Variants in CELSR2 observed in about 807,000 individuals in gnomAD.
CELSR2 encodes EGF-like protein 2.
Under a neutral mutation model 251.6 loss-of-function variants are expected in CELSR2, and 81 were observed. The ratio of observed to expected loss-of-function variants is 0.32; its 90% CI spans 0.27 to 0.39. The LOEUF (loss-of-function observed/expected upper bound fraction) is 0.39, where lower values mean the gene tolerates loss of function less well. Among genes scored for constraint, CELSR2 ranks in the 10% least tolerant of loss-of-function variants. The pLI is 1.00. For synonymous variants in CELSR2, 1,721 were observed against 1,670.5 expected, an observed-to-expected ratio of 1.03 and a Z score of -0.74; for missense variants, 3,365 against 3,947.7, an observed-to-expected ratio of 0.85 and a Z score of 3.96.
At chr1:109,262,676 T>C in intron 6 of CELSR2, 130 bp from the exon 7 acceptor site, 1 of 1,466,794 alleles carries the variant, frequency 6.8e-7, no homozygotes, top group Non-Finnish European at 9.2e-7. Flanking sequence ...ACGCCCTTCC[T>C]GAGCACTGCT....
rs769628754 is a variant in CELSR2, at chr1:109,252,318, A to G, written c.2239A>G (p.Ile747Val). Residue 747 changes from isoleucine to valine, a missense_variant, in exon 1 of 34, where the codon ATC becomes GTC. Around this residue, in one of 5 missense-constraint regions of CELSR2, gnomAD observed 505 missense variants for 660.0 expected, o/e 0.77. Coordinates refer to ENST00000271332, the MANE Select transcript of CELSR2 (RefSeq NM_001408.3). The surrounding 1 kb of genome is among the most constrained non-coding windows in gnomAD (Gnocchi z 4.8). ...TDEDTGENAR[I>V]TYFMEDSIPQ... ...TGAGGACACAGGTGAGAATGCCCGC[A>G]TCACCTACTTCATGGAGGACAGCAT... The G allele has an allele frequency of 8.7e-6, 14 of 1,613,192 alleles. No individual in the cohort carries two copies. Among genetic ancestry groups the G allele is most frequent in the East Asian group, 2.2e-5 (1 of 44,884 alleles).
rs1258228409 is a variant in CELSR2 at position 109,251,466 on chromosome 1, G to A, written c.1387G>A (p.Asp463Asn). 2 of 1,613,698 alleles carry A rather than the reference G, an allele frequency of 1.2e-6. No homozygotes were observed. The highest frequency in any genetic ancestry group is 1.3e-5 in the African/African-American group (1 of 74,926). ...TGALDVVSPL[D>N]YETTKEYTLR... ...AGCTCTGGATGTGGTGAGCCCTCTTGACTATGAGACGACCAAGGAGTACAC... is the reference window on the plus strand; with the variant it reads ...AGCTCTGGATGTGGTGAGCCCTCTTAACTATGAGACGACCAAGGAGTACAC... The change falls in exon 1 of 34, where the codon GAC becomes AAC. Residue 463 changes from aspartate to asparagine, a missense_variant. By Grantham distance (23) the Asp-to-Asn change is conservative. Transcript: ENST00000271332. This position sits in a 1 kb window ranked among gnomAD's most constrained non-coding sequence, Gnocchi z 4.9.
chr1:109,257,209 C>T (rs2101243594), intron 1 of CELSR2, among the ~76,000 whole-genome samples: 1 of 152,190 alleles, frequency 6.6e-6, no homozygotes, highest in African/African-American at 2.4e-5. Context: ...AAAAATTAGC[C>T]AGGCATAGTT....
In CELSR2 at chr1:109,266,145, C is replaced by T; in HGVS notation, c.5952C>T (p.Ile1984=). 1.9e-6 allele frequency: 3 copies of T among 1,614,168 alleles called. No homozygotes were observed. The highest frequency in any genetic ancestry group is 2.5e-6 in the Non-Finnish European group (3 of 1,180,038). ...DSCPRAIEAG[I]WWPRTRFGLP... ...GCCCACGAGCGATTGAGGCTGGGAT[C>T]TGGTGGCCCCGTACCCGCTTCGGGC... is the stretch of plus-strand genomic sequence containing the variant. The change falls in exon 15 of 34, where the codon ATC becomes ATT. Residue 1984 remains isoleucine (I), a synonymous_variant. Coordinates refer to ENST00000271332, the MANE Select transcript of CELSR2 (RefSeq NM_001408.3).
chr1:109,265,954 C>T lies in CELSR2; in HGVS notation c.5911+36C>T, dbSNP rs373945588. The T allele has an allele frequency of 1.7e-5, 27 of 1,600,468 alleles. No individual in the cohort carries two copies. The African/African-American group carries it at 3.2e-4, about 19-fold the overall frequency. On this transcript the variant is annotated intron_variant, in intron 14 of 33. Coordinates refer to ENST00000271332, the MANE Select transcript of CELSR2 (RefSeq NM_001408.3). Reference sequence around the variant, plus strand: ...TGGGATGGGTGGGCAGCCCTCCTTACAGTGTGCTAGGCACCTGCACCCCAG... The same window carrying T: ...TGGGATGGGTGGGCAGCCCTCCTTATAGTGTGCTAGGCACCTGCACCCCAG...
chr1:109,250,369 C>A lies in CELSR2; in HGVS notation c.290C>A (p.Ser97Tyr). ...HDGLRVWCPE[S>Y]EAHIPLPPAP... Reference sequence around the variant, plus strand: ...GGCCTGAGGGTTTGGTGTCCAGAATCCGAGGCCCATATTCCCCTACCACCA... The same window carrying A: ...GGCCTGAGGGTTTGGTGTCCAGAATACGAGGCCCATATTCCCCTACCACCA... Residue 97 changes from serine (S) to tyrosine (Y), a missense_variant, in exon 1 of 34, where the codon TCC becomes TAC. Physicochemically the swap from Ser to Tyr is moderately radical, Grantham distance 144 (BLOSUM62 -2). Coordinates refer to ENST00000271332, the MANE Select transcript of CELSR2 (RefSeq NM_001408.3). The surrounding 1 kb of genome is among the most constrained non-coding windows in gnomAD (Gnocchi z 4.4). 1 of 1,613,544 alleles carries A rather than the reference C, an allele frequency of 6.2e-7. No homozygotes were observed. Among genetic ancestry groups the A allele is most frequent in the Non-Finnish European group, 8.5e-7 (1 of 1,180,014 alleles).
chr1:109,273,840 C>A, intron 33 of CELSR2, 170 bp downstream of exon 33: 1 of 1,026,104 alleles, frequency 9.7e-7, no homozygotes, highest in Non-Finnish European at 1.5e-6. Flanking sequence ...TGGTGCCTTG[C>A]GGGGAGGGCC....
chr1:109,250,687 T>A lies in CELSR2; in HGVS notation c.608T>A (p.Leu203Gln), dbSNP rs554701709. ...CCAGCAGGCACCCCTGTTGCATCCC[T>A]GAGGGCCATCGACCCGGACGAGGGT... is the stretch of plus-strand genomic sequence containing the variant. ...NQPAGTPVASLRAIDPDEGEA... is the reference protein window; with the variant it reads ...NQPAGTPVASQRAIDPDEGEA... The change falls in exon 1 of 34, where the codon CTG becomes CAG. Residue 203 changes from leucine to glutamine, a missense_variant. Leu to Gln is a moderately radical substitution (Grantham distance 113). This residue lies in a region of CELSR2 where 704 missense variants were observed against 784.1 expected (regional missense o/e 0.90). Coordinates refer to ENST00000271332, the MANE Select transcript of CELSR2 (RefSeq NM_001408.3). This position sits in a 1 kb window ranked among gnomAD's most constrained non-coding sequence, Gnocchi z 4.4. The A allele has an allele frequency of 1.2e-6, 2 of 1,614,052 alleles. No individual in the cohort carries two copies. Among genetic ancestry groups the A allele is most frequent in the Non-Finnish European group, 1.7e-6 (2 of 1,180,018 alleles).
In CELSR2 at chr1:109,259,002, C is replaced by G; in HGVS notation, c.3881C>G (p.Ser1294Trp). ...GAGACCGAGGTGGACCTCTGCTACT[C>G]GCGGCCCTGTGGCCCCCACGGGCGC... ...YCETEVDLCY[S>W]RPCGPHGRCR... is the part of the protein sequence containing the mutation. The change falls in exon 2 of 34, where the codon TCG becomes TGG. Residue 1294 changes from serine (S) to tryptophan (W), a missense_variant. Ser to Trp is a radical substitution (Grantham distance 177, BLOSUM62 -3). Coordinates refer to ENST00000271332, the MANE Select transcript of CELSR2 (RefSeq NM_001408.3). The G allele has an allele frequency of 6.2e-7, 1 of 1,605,936 alleles. No homozygotes were observed. Among genetic ancestry groups the G allele is most frequent in the Non-Finnish European group, 8.5e-7 (1 of 1,178,926 alleles).
Position 109,264,118 on chromosome 1 carries a change from G to A in CELSR2, c.5042G>A (p.Gly1681Glu). The stretch of plus-strand genomic sequence containing the variant: ...GTGATGCTGAGCGTGGAGGGCACAG[G>A]GCTTCAGGCCTCCTCTCTCCGTCTG... Reference protein sequence around the residue: ...GHVMLSVEGTGLQASSLRLEP... With the variant: ...GHVMLSVEGTELQASSLRLEP... The change falls in exon 10 of 34, where the codon GGG becomes GAG. Residue 1681 changes from glycine to glutamate, a missense_variant. Physicochemically the swap from Gly to Glu is moderately conservative, Grantham distance 98. This residue lies in a region of CELSR2 where 2,093 missense variants were observed against 2,382.8 expected (regional missense o/e 0.88). Transcript: ENST00000271332. The A allele has an allele frequency of 6.3e-7, 1 of 1,599,862 alleles. No individual in the cohort carries two copies. Among genetic ancestry groups the A allele is most frequent in the Non-Finnish European group, 8.6e-7 (1 of 1,169,364 alleles).
chr1:109,260,719 A>C (rs1655996090), intron 2 of CELSR2, among the ~76,000 whole-genome samples: 3 of 152,126 alleles, frequency 2.0e-5, no homozygotes, highest in Admixed American at 2.0e-4. Context: ...CGGGCCTTAC[A>C]ACCAAGTGTC....
Position 109,250,061 on chromosome 1 carries a change from C to A in CELSR2, c.-19C>A. 3 of 1,332,332 alleles carry A rather than the reference C, an allele frequency of 2.3e-6. No homozygotes were observed. The highest frequency in any genetic ancestry group is 2.9e-6 in the Non-Finnish European group (3 of 1,049,690). 82.5% of individuals were successfully genotyped at this position (1,332,332 alleles called of 1,614,324 possible). ...CCGCCGCCGCCGTTGACCCGGCCGC[C>A]GGCCGGGAGCTGGGAGAGATGCGGA... On this transcript the variant is annotated 5_prime_UTR_variant, in exon 1 of 34. Transcript: ENST00000271332. This position sits in a 1 kb window ranked among gnomAD's most constrained non-coding sequence, Gnocchi z 4.4.
Position 109,268,735 on chromosome 1 carries a change from G to A in CELSR2, c.6473G>A (p.Ser2158Asn), listed in dbSNP as rs1450875318. 1.2e-6 allele frequency: 2 copies of A among 1,606,610 alleles called. No individual in the cohort carries two copies. Among genetic ancestry groups the A allele is most frequent in the Admixed American group, 1.7e-5 (1 of 59,762 alleles). The change falls in exon 18 of 34, where the codon AGC (serine) becomes AAC (asparagine). Residue 2158 changes from serine to asparagine, a missense_variant. Around this residue, in one of 5 missense-constraint regions of CELSR2, gnomAD observed 2,093 missense variants for 2,382.8 expected, o/e 0.88. Coordinates refer to ENST00000271332, the MANE Select transcript of CELSR2 (RefSeq NM_001408.3). ...LAQNMRHTYL[S>N]PFTIVTPNIV... The stretch of plus-strand genomic sequence containing the variant: ...CAGAACATGCGGCACACCTACCTAA[G>A]CCCCTTCACCATCGTCACGCCCAAC...
Position 109,252,239 on chromosome 1 carries a change from T to A in CELSR2, c.2160T>A (p.Asn720Lys). The A allele has an allele frequency of 2.5e-6, 4 of 1,613,488 alleles. No homozygotes were observed. The highest frequency in any genetic ancestry group is 3.4e-6 in the Non-Finnish European group (4 of 1,180,030). Residue 720 changes from asparagine to lysine, a missense_variant, in exon 1 of 34, where the codon AAT becomes AAA. By Grantham distance (94) the Asn-to-Lys change is moderately conservative (BLOSUM62 0). This residue lies in a region of CELSR2 where 505 missense variants were observed against 660.0 expected (regional missense o/e 0.77). Coordinates refer to ENST00000271332, the MANE Select transcript of CELSR2 (RefSeq NM_001408.3). The surrounding 1 kb of genome is among the most constrained non-coding windows in gnomAD (Gnocchi z 4.8). ...PVFQSSHYTV[N>K]VNEDRPAGTT... The stretch of plus-strand genomic sequence containing the variant: ...TTCAGAGCTCCCACTATACAGTGAA[T>A]GTTAATGAGGACCGGCCGGCAGGCA...
At position 109,268,001 on chromosome 1, in the gene CELSR2, C is replaced by T. The variant is rs1416847751; in HGVS notation, c.6259C>T (p.His2087Tyr). 8 of 1,610,074 alleles carry T rather than the reference C, an allele frequency of 5.0e-6. No individual in the cohort carries two copies. The highest frequency in any genetic ancestry group is 5.9e-6 in the Non-Finnish European group (7 of 1,179,548). ...CCAGCTGGCCACGCGGCTGCTGGCC[C>T]ACGAGAGCACCCAGCGGGGCTTTGG... ...AYQLATRLLAHESTQRGFGLS... is the reference protein window; with the variant it reads ...AYQLATRLLAYESTQRGFGLS... Residue 2087 changes from histidine (H) to tyrosine (Y), a missense_variant, in exon 17 of 34, where the codon CAC (histidine) becomes TAC (tyrosine). His to Tyr is a moderately conservative substitution (Grantham distance 83). Around this residue, in one of 5 missense-constraint regions of CELSR2, gnomAD observed 2,093 missense variants for 2,382.8 expected, o/e 0.88. Transcript: ENST00000271332.
chr1:109,265,805 C>G lies in CELSR2; in HGVS notation c.5798C>G (p.Ser1933Cys), dbSNP rs767250044. The change falls in exon 14 of 34, where the codon TCC (serine) becomes TGC (cysteine). Residue 1933 changes from serine to cysteine, a missense_variant. Physicochemically the swap from Ser to Cys is moderately radical, Grantham distance 112. Around this residue, in one of 5 missense-constraint regions of CELSR2, gnomAD observed 2,093 missense variants for 2,382.8 expected, o/e 0.88. Coordinates refer to ENST00000271332, the MANE Select transcript of CELSR2 (RefSeq NM_001408.3). ...LCDCYPTGSL[S>C]RVCDPEDGQC... ...GACTGCTACCCCACAGGCTCCTTGT[C>G]CAGAGTCTGTGACCCTGAGGATGGC... 1 of 1,614,102 alleles carries G rather than the reference C, an allele frequency of 6.2e-7. No individual in the cohort carries two copies. Among genetic ancestry groups the G allele is most frequent in the South Asian group, 1.1e-5 (1 of 91,076 alleles).
chr1:109,273,682 CG>C lies in CELSR2; in HGVS notation c.8744+15del. Reference sequence around the variant, plus strand: ...TCGTCAGGCTCCGAGTGAGTGTGGCCGGGTGGGCGGGACGGGGTGCAGCCCC... The same window carrying C: ...TCGTCAGGCTCCGAGTGAGTGTGGCCGGTGGGCGGGACGGGGTGCAGCCCC... On this transcript the variant is annotated intron_variant, in intron 33 of 33. Transcript: ENST00000271332. The C allele has an allele frequency of 2.1e-6, 1 of 473,248 alleles. No individual in the cohort carries two copies. The highest frequency in any genetic ancestry group is 6.8e-4 in the Middle Eastern group (1 of 1,464). The allele number at this position is 473,248 out of a possible 1,614,324, so 29.3% of individuals were successfully genotyped here.
rs1656503192 is a variant in CELSR2, at chr1:109,275,415, C to T, written c.*1366C>T. 1 of 152,214 alleles carries T rather than the reference C, an allele frequency of 6.6e-6. No homozygotes were observed. The highest frequency in any genetic ancestry group is 1.5e-5 in the Non-Finnish European group (1 of 68,050). The allele number at this position is 152,214 out of a possible 1,614,324, so 9.4% of individuals were successfully genotyped here. ...ATTTACTCCAAGCATGTATTCCAGA[C>T]TTGTCACTGACTTTCCTTCTGGAGC... On this transcript the variant is annotated 3_prime_UTR_variant, in exon 34 of 34. Coordinates refer to ENST00000271332, the MANE Select transcript of CELSR2 (RefSeq NM_001408.3).
rs1351068867 is a variant in CELSR2, at chr1:109,251,456, G to T, written c.1377G>T (p.Val459=). The change falls in exon 1 of 34, where the codon GTG becomes GTT. Residue 459 remains valine, a synonymous_variant. Transcript: ENST00000271332. The surrounding 1 kb of genome is among the most constrained non-coding windows in gnomAD (Gnocchi z 4.9). The part of the protein sequence containing the change: ...LDAQTGALDV[V]SPLDYETTKE... ...CCCAGACTGGAGCTCTGGATGTGGT[G>T]AGCCCTCTTGACTATGAGACGACCA... 8.1e-6 allele frequency: 13 copies of T among 1,613,732 alleles called. No homozygotes were observed. Among genetic ancestry groups the T allele is most frequent in the African/African-American group, 1.3e-5 (1 of 74,920 alleles).
Sources: gnomAD v4.1 joint callset for allele counts (sites outside exome capture counted in the v4.1 genomes callset) on GRCh38, gnomAD v4.1.1 for gene constraint, gnomAD v4.1.1 regional missense constraint, Gnocchi (gnomAD v3.1) non-coding constraint, MANE v1.5 for transcripts, NCBI Gene and HGNC (gene_info 2026-07-23, HGNC 2026-07-21) for gene names.